The following CORO2B variants were observed in gnomAD, a reference collection of about 807,000 sequenced individuals.
CORO2B encodes coronin 2B, also known as coronin-2B.
Under a neutral mutation model 58.8 loss-of-function variants are expected in CORO2B, and 26 were observed. The observed-to-expected ratio is 0.44, with a 90% confidence interval of 0.32 to 0.61. CORO2B has a LOEUF of 0.61. Among genes scored for constraint, CORO2B ranks in the 20% least tolerant of loss-of-function variants. The probability of loss-of-function intolerance (pLI) is 0.04; values close to 1 mark genes in which losing one functional copy is unlikely to be tolerated. For missense variants in CORO2B, 460 were observed against 645.1 expected (o/e 0.71, Z 3.11); for synonymous variants, 242 against 253.8 (o/e 0.95, Z 0.44).
intron 2 of CORO2B, among the ~76,000 whole-genome samples, chr15:68,661,900 A>C (rs56990063): frequency 0.1 from 15,236 of 152,160 alleles, 1,215 homozygotes; most frequent in African/African-American, 0.22. Flanking sequence ...CCAGGTACTC[A>C]GGAGGCTGAA....
Position 68,682,826 on chromosome 15 carries a change from T to C in CORO2B, c.217-12314T>C, listed in dbSNP as rs116714803. Among the ~76,000 whole-genome samples the C allele has an allele frequency of 4.3e-3, 650 of 152,278 alleles. 2 individuals carry two copies. Among genetic ancestry groups the C allele is most frequent in the African/African-American group, 0.015 (611 of 41,552 alleles). On this transcript the variant is annotated intron_variant, in intron 2 of 11. Transcript: ENST00000261861. Reference sequence around the variant, plus strand: ...CCCTGCTGCTGTAGCAGTGCTTTAGTAATGCTCCCCAAATCCCAGGTGGGC... The same window carrying C: ...CCCTGCTGCTGTAGCAGTGCTTTAGCAATGCTCCCCAAATCCCAGGTGGGC...
At chr15:68,607,302 C>A (rs557048011) in intron 1 of CORO2B, among the ~76,000 whole-genome samples, 124 of 152,296 alleles carry the variant, frequency 8.1e-4, no homozygotes, top group Non-Finnish European at 1.6e-3. Context: ...GGAGCATCTA[C>A]ACATGGTGTC....
intron 4 of CORO2B, 123 bp downstream of exon 4, chr15:68,711,004 T>TATTC (rs145747154): frequency 0.011 from 12,181 of 1,085,388 alleles, 122 homozygotes; most frequent in Middle Eastern, 0.024. Flanking sequence ...TTCATTTGCT[T>TATTC]ATTCATTCAT....
At chr15:68,613,838 G>T (rs546983769) in intron 1 of CORO2B, among the ~76,000 whole-genome samples, 1 of 152,318 alleles carries the variant, frequency 6.6e-6, no homozygotes, top group South Asian at 2.1e-4. Flanking sequence ...AGAACACTTT[G>T]TTCTCATTGT....
intron 2 of CORO2B, among the ~76,000 whole-genome samples, chr15:68,648,356 G>T (rs1055072350): frequency 2.2e-5 from 3 of 138,578 alleles, no homozygotes; most frequent in Non-Finnish European, 3.1e-5. Flanking sequence ...ACGAAAGAAA[G>T]AAACAAAAGG....
intron 1 of CORO2B, among the ~76,000 whole-genome samples, chr15:68,620,104 G>T (rs949767885): frequency 6.6e-6 from 1 of 152,074 alleles, no homozygotes; most frequent in African/African-American, 2.4e-5. Flanking sequence ...TAGAGACGGG[G>T]TTTCACCATG....
At chr15:68,587,949 C>T (rs146990203) in intron 1 of CORO2B, among the ~76,000 whole-genome samples, 9 of 152,312 alleles carry the variant, frequency 5.9e-5, no homozygotes, top group African/African-American at 1.4e-4. Flanking sequence ...ACCCAGGCCT[C>T]GCTCTTGCCT....
Position 68,711,695 on chromosome 15 carries a change from C to T in CORO2B, c.637C>T (p.Arg213Cys), listed in dbSNP as rs754809675. ...GCGTGTGATTGAGCCCCGCTCTGGC[C>T]GTGTTCTGCAGGTGGAACCCTACAT... ...KLRVIEPRSG[R>C]VLQEANCKNH... Residue 213 changes from arginine (R) to cysteine (C), a missense_variant, in exon 5 of 12, where the codon CGT becomes TGT. Arg to Cys is a radical substitution (Grantham distance 180). This residue lies in a region of CORO2B where 352 missense variants were observed against 543.0 expected (regional missense o/e 0.65). Transcript: ENST00000261861. 9 of 1,613,952 alleles carry T rather than the reference C, an allele frequency of 5.6e-6. No individual in the cohort carries two copies. Among genetic ancestry groups the T allele is most frequent in the South Asian group, 3.3e-5 (3 of 91,060 alleles).
intron 1 of CORO2B, among the ~76,000 whole-genome samples, chr15:68,599,498 C>T (rs913272637): frequency 4.1e-4 from 62 of 152,350 alleles, no homozygotes; most frequent in Admixed American, 2.4e-3. Context: ...AAGATGCATT[C>T]GTTGGCAAAT....
chr15:68,571,979 G>C, the CORO2B span, among the ~76,000 whole-genome samples: 2 of 152,236 alleles, frequency 1.3e-5, no homozygotes, highest in Non-Finnish European at 2.9e-5. Flanking sequence ...GATCTCTGAA[G>C]GAGAGAACTC....
intron 1 of CORO2B, among the ~76,000 whole-genome samples, chr15:68,644,731 C>T (rs1234450836): frequency 1.3e-5 from 2 of 152,148 alleles, no homozygotes; most frequent in African/African-American, 2.4e-5. Flanking sequence ...GGGCCCTGTC[C>T]TCAATCTTGG....
At chr15:68,647,689 C>CAAAAAA (rs3084725) in intron 2 of CORO2B, among the ~76,000 whole-genome samples, 7 of 122,782 alleles carry the variant, frequency 5.7e-5, no homozygotes, top group African/African-American at 2.3e-4. Flanking sequence ...AACTCCATCT[C>CAAAAAA]AAAAAAAAAA....
At chr15:68,625,848 GC>G (rs1158838757) in intron 1 of CORO2B, among the ~76,000 whole-genome samples, 6 of 151,918 alleles carry the variant, frequency 3.9e-5, no homozygotes, top group Non-Finnish European at 8.8e-5. Flanking sequence ...CAAGCAATCT[GC>G]CCCCCTTGGC....
intron 3 of CORO2B, among the ~76,000 whole-genome samples, chr15:68,709,837 G>A (rs1264742462): frequency 1.3e-5 from 2 of 151,900 alleles, no homozygotes; most frequent in Non-Finnish European, 2.9e-5. Context: ...TTATACCATT[G>A]TGTCTTTTCA....
At position 68,710,948 on chromosome 15, in the gene CORO2B, G is replaced by A. The variant is rs1471771684; in HGVS notation, c.483+67G>A. On this transcript the variant is annotated intron_variant, in intron 4 of 11. Coordinates refer to ENST00000261861, the MANE Select transcript of CORO2B (RefSeq NM_006091.5). This position sits in a 1 kb window ranked among gnomAD's most constrained non-coding sequence, Gnocchi z 4.1. ...AGAGAAAGGGGCCTTTTGGGTACCC[G>A]TAGGAAGCACTGTTGCTTCCTAAGC... 1.0e-5 allele frequency: 15 copies of A among 1,482,684 alleles called. No homozygotes were observed. In the East Asian group the frequency reaches 2.9e-4, roughly 28 times the overall value. 91.8% of individuals were successfully genotyped at this position (1,482,684 alleles called of 1,614,324 possible).
intron 3 of CORO2B, among the ~76,000 whole-genome samples, chr15:68,709,639 T>C (rs2140326022): frequency 6.6e-6 from 1 of 152,144 alleles, no homozygotes; most frequent in East Asian, 1.9e-4. Flanking sequence ...GTTTCTTTGG[T>C]AGAGGCACGG....
chr15:68,613,831 A>G (rs1414185122), intron 1 of CORO2B, among the ~76,000 whole-genome samples: 1 of 152,198 alleles, frequency 6.6e-6, no homozygotes, highest in East Asian at 1.9e-4. Context: ...CTTAGTAAGA[A>G]CACTTTGTTC....
At chr15:68,574,613 G>T (rs1459529447), upstream of CORO2B, among the ~76,000 whole-genome samples, 1 of 151,326 alleles carries the variant, frequency 6.6e-6, no homozygotes, top group Non-Finnish European at 1.5e-5. Flanking sequence ...AGGTTATTAA[G>T]GTTGAAGATA....
chr15:68,697,231 T>C (rs924664039), intron 3 of CORO2B, among the ~76,000 whole-genome samples: 4 of 151,984 alleles, frequency 2.6e-5, no homozygotes, highest in Non-Finnish European at 5.9e-5. Context: ...GATGGATGGA[T>C]GGATGGATGG....
Sources: gnomAD v4.1 joint callset for allele counts (sites outside exome capture counted in the v4.1 genomes callset) on GRCh38, gnomAD v4.1.1 for gene constraint, gnomAD v4.1.1 regional missense constraint, Gnocchi (gnomAD v3.1) non-coding constraint, MANE v1.5 for transcripts, NCBI Gene and HGNC (gene_info 2026-07-23, HGNC 2026-07-21) for gene names.